ERBB3: variants seen among roughly 807,000 people sequenced by gnomAD.
ERBB3 encodes the protein erb-b2 receptor tyrosine kinase 3.
ERBB3 carries 96 observed loss-of-function variants against 156.7 expected under a neutral mutation model. That is an observed-to-expected ratio of 0.61 (90% CI 0.52 to 0.73). ERBB3 has a LOEUF of 0.73. Among genes scored for constraint, ERBB3 ranks in the 30% least tolerant of loss-of-function variants. The pLI is 0.00. For missense variants in ERBB3, 1,406 were observed against 1,709.4 expected (o/e 0.82, Z 3.13); for synonymous variants, 567 against 632.0 (o/e 0.90, Z 1.54).
Position 56,101,573 on chromosome 12 carries a change from A to T in ERBB3, c.3547A>T (p.Ser1183Cys). ...AGGCACCCTTTCTTCAGTGGGTCTC[A>T]GTTCTGTCCTGGGTACTGAAGAAGA... ...REGTLSSVGL[S>C]SVLGTEEEDE... Residue 1183 changes from serine to cysteine, a missense_variant, in exon 28 of 28, where the codon AGT becomes TGT. Around this residue, in one of 3 missense-constraint regions of ERBB3, gnomAD observed 415 missense variants for 454.1 expected, o/e 0.91. Transcript: ENST00000267101. 6.2e-7 allele frequency: 1 copy of T among 1,614,032 alleles called. No homozygotes were observed. Among genetic ancestry groups the T allele is most frequent in the East Asian group, 2.2e-5 (1 of 44,878 alleles).
Position 56,101,930 on chromosome 12 carries a change from G to A in ERBB3, c.3904G>A (p.Ala1302Thr), listed in dbSNP as rs755910454. 6.2e-7 allele frequency: 1 copy of A among 1,613,100 alleles called. No homozygotes were observed. Among genetic ancestry groups the A allele is most frequent in the Non-Finnish European group, 8.5e-7 (1 of 1,179,706 alleles). ...MRAFQGPGHQAPHVHYARLKT... is the reference protein window; with the variant it reads ...MRAFQGPGHQTPHVHYARLKT... ...AGCTTTTCAGGGGCCTGGACATCAG[G>A]CCCCCCATGTCCATTATGCCCGCCT... The change falls in exon 28 of 28, where the codon GCC becomes ACC. Residue 1302 changes from alanine (A) to threonine (T), a missense_variant. Coordinates refer to ENST00000267101, the MANE Select transcript of ERBB3 (RefSeq NM_001982.4).
In ERBB3 at chr12:56,088,021, G is replaced by A. The variant is rs1592226726; in HGVS notation, c.733G>A (p.Ala245Thr). ...CSGPQDTDCF[A>T]CRHFNDSGAC... ...TCTGATGAGCCTCCTTTTTTCCCAGGCCTGCCGGCACTTCAATGACAGTGG... is the reference window on the plus strand; with the variant it reads ...TCTGATGAGCCTCCTTTTTTCCCAGACCTGCCGGCACTTCAATGACAGTGG... Residue 245 changes from alanine (A) to threonine (T), a missense_variant and splice_region_variant, in exon 7 of 28, where the codon GCC becomes ACC. Ala to Thr is a moderately conservative substitution (Grantham distance 58, BLOSUM62 0). Transcript: ENST00000267101. 2 of 1,614,050 alleles carry A rather than the reference G, an allele frequency of 1.2e-6. No individual in the cohort carries two copies. The highest frequency in any genetic ancestry group is 1.7e-6 in the Non-Finnish European group (2 of 1,179,996).
chr12:56,093,805 G>A lies in ERBB3; in HGVS notation c.1522G>A (p.Gly508Arg), dbSNP rs2136811038. ...GTGTGACCCACTGTGCTCCTCTGGGGGATGCTGGGGCCCAGGCCCTGGTCA... is the reference window on the plus strand; with the variant it reads ...GTGTGACCCACTGTGCTCCTCTGGGAGATGCTGGGGCCCAGGCCCTGGTCA... ...KVCDPLCSSG[G>R]CWGPGPGQCL... is the part of the protein sequence containing the mutation. Residue 508 changes from glycine (G) to arginine (R), a missense_variant, in exon 13 of 28, where the codon GGA (glycine) becomes AGA (arginine). By Grantham distance (125) the Gly-to-Arg change is moderately radical (BLOSUM62 -2). Coordinates refer to ENST00000267101, the MANE Select transcript of ERBB3 (RefSeq NM_001982.4). The A allele has an allele frequency of 4.3e-6, 7 of 1,614,010 alleles. No individual in the cohort carries two copies. The highest frequency in any genetic ancestry group is 5.9e-6 in the Non-Finnish European group (7 of 1,179,978).
At position 56,086,514 on chromosome 12, in the gene ERBB3, T is replaced by C. The variant is rs961328826; in HGVS notation, c.422-17T>C. 26 of 1,613,870 alleles carry C rather than the reference T, an allele frequency of 1.6e-5. No homozygotes were observed. Among genetic ancestry groups the C allele is most frequent in the Non-Finnish European group, 2.2e-5 (26 of 1,179,884 alleles). On this transcript the variant is annotated splice_polypyrimidine_tract_variant and intron_variant, in intron 3 of 27. Transcript: ENST00000267101. ...CCGCTGCGGCCCTTAACCCTGTCAC[T>C]TCTTTCCCTACCTCAGAGATTCTGT...
At chr12:56,093,270 T>C in intron 11 of ERBB3, 75 bp from the exon 12 acceptor site, 2 of 1,421,494 alleles carry the variant, frequency 1.4e-6, no homozygotes, top group Non-Finnish European at 2.0e-6. Flanking sequence ...GCAAATTTCT[T>C]GACTAACATG....
At chr12:56,092,592 CTTATA>C (rs1321215876) in intron 9 of ERBB3, among the ~76,000 whole-genome samples, 150 bp from the exon 10 acceptor site, 2 of 151,954 alleles carry the variant, frequency 1.3e-5, no homozygotes, top group South Asian at 4.2e-4. Flanking sequence ...ATGCTCTGGG[CTTATA>C]TTATATTTCC....
In ERBB3 at chr12:56,099,922, G is replaced by C. The variant is rs761205665; in HGVS notation, c.3022G>C (p.Glu1008Gln). 1 of 1,614,262 alleles carries C rather than the reference G, an allele frequency of 6.2e-7. No homozygotes were observed. The change falls in exon 25 of 28, where the codon GAA (glutamate) becomes CAA (glutamine). Residue 1008 changes from glutamate to glutamine, a missense_variant. By Grantham distance (29) the Glu-to-Gln change is conservative (BLOSUM62 2). Transcript: ENST00000267101. ...GCTAGAGGAAGTAGAGCTGGAGCCA[G>C]AACTAGACCTAGACCTAGACTTGGA... ...KKLEEVELEP[E>Q]LDLDLDLEAE... is the part of the protein sequence containing the mutation.
chr12:56,101,906 G>A lies in ERBB3; in HGVS notation c.3880G>A (p.Ala1294Thr). 6.2e-7 allele frequency: 1 copy of A among 1,613,582 alleles called. No individual in the cohort carries two copies. Among genetic ancestry groups the A allele is most frequent in the Non-Finnish European group, 8.5e-7 (1 of 1,179,850 alleles). ...ASEQGYEEMR[A>T]FQGPGHQAPH... ...TGAGCAAGGGTATGAAGAGATGAGA[G>A]CTTTTCAGGGGCCTGGACATCAGGC... The change falls in exon 28 of 28, where the codon GCT becomes ACT. Residue 1294 changes from alanine to threonine, a missense_variant. By Grantham distance (58) the Ala-to-Thr change is moderately conservative (BLOSUM62 0). Transcript: ENST00000267101.
Position 56,099,546 on chromosome 12 carries a change from G to A in ERBB3, c.2840-102G>A, listed in dbSNP as rs1213070851. The A allele has an allele frequency of 8.6e-5, 81 of 946,190 alleles. No individual in the cohort carries two copies. In the East Asian group the frequency reaches 1.7e-3, roughly 20 times the overall value. The allele number at this position is 946,190 out of a possible 1,614,324, so 58.6% of individuals were successfully genotyped here. A position where few individuals can be genotyped will look rare whatever the true frequency, so the allele number is the denominator to read the frequency against. Reference sequence around the variant, plus strand: ...AGTCCCGACCTCAGGTGATCCACCCGCCTTGGCCTCCCAAAGTGCTGGGAT... The same window carrying A: ...AGTCCCGACCTCAGGTGATCCACCCACCTTGGCCTCCCAAAGTGCTGGGAT... On this transcript the variant is annotated intron_variant, in intron 23 of 27. Transcript: ENST00000267101.
In ERBB3 at chr12:56,098,547, C is replaced by T; in HGVS notation, c.2664C>T (p.Tyr888=). Residue 888 remains tyrosine, a synonymous_variant, in exon 22 of 28, where the codon TAC becomes TAT. Coordinates refer to ENST00000267101, the MANE Select transcript of ERBB3 (RefSeq NM_001982.4). ...MALESIHFGK[Y]THQSDVWSYG... ...TTGAGAGTATCCACTTTGGGAAATA[C>T]ACACACCAGAGTGATGTCTGGAGCT... 6.2e-7 allele frequency: 1 copy of T among 1,613,666 alleles called. No homozygotes were observed. Among genetic ancestry groups the T allele is most frequent in the Non-Finnish European group, 8.5e-7 (1 of 1,179,560 alleles).
At chr12:56,094,588 A>G in intron 15 of ERBB3, 32 bp downstream of exon 15, 1 of 1,611,248 alleles carries the variant, frequency 6.2e-7, no homozygotes, top group Non-Finnish European at 8.5e-7. Flanking sequence ...AGAGGGGGTC[A>G]GGTGGAAGGG....
At chr12:56,095,434 T>G (rs1415545598) in intron 16 of ERBB3, 124 bp downstream of exon 16, 6 of 928,186 alleles carry the variant, frequency 6.5e-6, no homozygotes, top group Non-Finnish European at 1.1e-5. Flanking sequence ...CCACTATCAC[T>G]GGACACTTGG....
In ERBB3 at chr12:56,099,764, G is replaced by C; in HGVS notation, c.2937+19G>C. ...CATAAAGGTGAGTAGGGAGTAGGAG[G>C]TGCTAAGGAAATTTAGAAAAAGGAG... On this transcript the variant is annotated intron_variant, in intron 24 of 27. Coordinates refer to ENST00000267101, the MANE Select transcript of ERBB3 (RefSeq NM_001982.4). 1 of 1,613,242 alleles carries C rather than the reference G, an allele frequency of 6.2e-7. No homozygotes were observed. Among genetic ancestry groups the C allele is most frequent in the Non-Finnish European group, 8.5e-7 (1 of 1,179,142 alleles).
rs1869154325 is a variant in ERBB3, at chr12:56,102,739, CAGA to C, written c.*687_*689del. ...ATCTCAGCACTTTGGGAGGCTGAGGCAGAAGGATTACCTGAGGCAAGGAGTTTG... is the reference window on the plus strand; with the variant it reads ...ATCTCAGCACTTTGGGAGGCTGAGGCAGGATTACCTGAGGCAAGGAGTTTG... On this transcript the variant is annotated 3_prime_UTR_variant, in exon 28 of 28. Transcript: ENST00000267101. 1.1e-5 allele frequency: 2 copies of C among 182,418 alleles called. No homozygotes were observed. Among genetic ancestry groups the C allele is most frequent in the Non-Finnish European group, 2.1e-5 (2 of 95,146 alleles). 11.3% of individuals were successfully genotyped at this position (182,418 alleles called of 1,614,324 possible).
chr12:56,084,004 T>G, intron 2 of ERBB3, 102 bp downstream of exon 2: 1 of 1,186,212 alleles, frequency 8.4e-7, no homozygotes, highest in Non-Finnish European at 1.3e-6. Flanking sequence ...TCACCCTTCC[T>G]AAGACTCAGG....
At chr12:56,090,996 G>A (rs1311251442) in intron 9 of ERBB3, among the ~76,000 whole-genome samples, 1 of 151,572 alleles carries the variant, frequency 6.6e-6, no homozygotes, top group African/African-American at 2.4e-5. Context: ...CAGCTCCTCA[G>A]GTTTTGTTTA....
Position 56,100,182 on chromosome 12 carries a change from C to T in ERBB3, c.3138C>T (p.Ser1046=). The change falls in exon 26 of 28, where the codon AGC becomes AGT. Residue 1046 remains serine (S), a synonymous_variant. Coordinates refer to ENST00000267101, the MANE Select transcript of ERBB3 (RefSeq NM_001982.4). ...TTATTTTTTCATCCTAGAGCCAGAG[C>T]CTTTTAAGTCCATCATCTGGATACA... ...GTLNRPRGSQ[S]LLSPSSGYMP... The T allele has an allele frequency of 4.3e-6, 7 of 1,613,798 alleles. No homozygotes were observed. Among genetic ancestry groups the T allele is most frequent in the Middle Eastern group, 1.6e-4 (1 of 6,062 alleles).
chr12:56,093,194 T>C, intron 11 of ERBB3, 118 bp downstream of exon 11: 1 of 1,160,026 alleles, frequency 8.6e-7, no homozygotes, highest in Non-Finnish European at 1.3e-6. Context: ...CCAAAGGGTT[T>C]CAGAGTTTCA....
chr12:56,101,124 CG>C lies in ERBB3; in HGVS notation c.3269del (p.Gly1090AspfsTer12), dbSNP rs1565861820. ...TCCAGTCTCTCTACACCCAATGCCA[CG>C]GGGATGCCTGGCATCAGAGTCATCA... ...PRPVSLHPMP[R>X]GCLASESSEG... On this transcript the variant is annotated frameshift_variant, in exon 27 of 28. Coordinates refer to ENST00000267101, the MANE Select transcript of ERBB3 (RefSeq NM_001982.4). LOFTEE classifies it high-confidence loss of function. The C allele has an allele frequency of 6.2e-7, 1 of 1,613,894 alleles. No individual in the cohort carries two copies. The highest frequency in any genetic ancestry group is 8.5e-7 in the Non-Finnish European group (1 of 1,179,804).
Sources: gnomAD v4.1 joint callset for allele counts (sites outside exome capture counted in the v4.1 genomes callset) on GRCh38, gnomAD v4.1.1 for gene constraint, gnomAD v4.1.1 regional missense constraint, MANE v1.5 for transcripts, NCBI Gene and HGNC (gene_info 2026-07-23, HGNC 2026-07-21) for gene names.